Variants in MTX2 observed in about 807,000 individuals in gnomAD.
MTX2 encodes the protein metaxin 2, also known as metaxin-2.
A neutral mutation model predicts 42.3 loss-of-function variants in MTX2; 35 were observed. The ratio of observed to expected loss-of-function variants is 0.83; its 90% CI spans 0.63 to 1.10. The LOEUF is 1.10. MTX2 is among the 50% of genes least tolerant of loss of function. The pLI, the probability that MTX2 is intolerant of heterozygous loss-of-function variation, is 0.00. For synonymous variants in MTX2, 119 were observed against 100.9 expected, an observed-to-expected ratio of 1.18 and a Z score of -1.08; for missense variants, 307 against 304.1, an observed-to-expected ratio of 1.01 and a Z score of -0.07.
At chr2:176,324,820 G>A (rs1684672167) in intron 4 of MTX2, among the ~76,000 whole-genome samples, 1 of 151,674 alleles carries the variant, frequency 6.6e-6, no homozygotes, top group South Asian at 2.1e-4. Flanking sequence ...TCTCCTATAG[G>A]TAGATGAAAA....
At chr2:176,278,171 C>T (rs1026505694) in intron 1 of MTX2, among the ~76,000 whole-genome samples, 2 of 151,072 alleles carry the variant, frequency 1.3e-5, no homozygotes, top group Non-Finnish European at 2.9e-5. Context: ...CTGCCTCAGC[C>T]TCCCAAGTAG....
At chr2:176,299,588 C>T (rs963630342) in intron 3 of MTX2, among the ~76,000 whole-genome samples, 2 of 152,060 alleles carry the variant, frequency 1.3e-5, no homozygotes, top group Non-Finnish European at 1.5e-5. Context: ...ATAAATTACG[C>T]AGCATATATT....
chr2:176,328,658 C>A (rs542656940), intron 6 of MTX2, among the ~76,000 whole-genome samples: 1 of 151,264 alleles, frequency 6.6e-6, no homozygotes, highest in South Asian at 2.1e-4. Context: ...ATCTGTAAAA[C>A]ACTTTAATGG....
intron 5 of MTX2, 119 bp downstream of exon 5, chr2:176,327,020 G>A (rs1684724172): frequency 5.7e-6 from 3 of 527,818 alleles, no homozygotes; most frequent in African/African-American, 2.0e-5. Context: ...GCAAACTACT[G>A]GAAAATATTT....
chr2:176,295,811 C>A (rs1489690950), intron 1 of MTX2, among the ~76,000 whole-genome samples: 2 of 151,996 alleles, frequency 1.3e-5, no homozygotes, highest in East Asian at 1.9e-4. Context: ...GTATAAATTT[C>A]TTTTAAAAAA....
intron 3 of MTX2, among the ~76,000 whole-genome samples, chr2:176,321,744 A>C (rs1032147567): frequency 2.6e-5 from 4 of 152,106 alleles, no homozygotes; most frequent in African/African-American, 9.7e-5. Context: ...AGTTGGCCAT[A>C]CCCAGTTGTA....
At chr2:176,272,860 A>G (rs1692856142) in intron 1 of MTX2, among the ~76,000 whole-genome samples, 1 of 152,198 alleles carries the variant, frequency 6.6e-6, no homozygotes, top group Non-Finnish European at 1.5e-5. Flanking sequence ...AATTTAAATG[A>G]TTGTAATTGT....
intron 3 of MTX2, among the ~76,000 whole-genome samples, chr2:176,315,727 C>G (rs961330779): frequency 1.3e-5 from 2 of 152,176 alleles, no homozygotes; most frequent in African/African-American, 4.8e-5. Flanking sequence ...CACTTCTTTA[C>G]TCCCACATAG....
chr2:176,304,029 T>A (rs1282837728), intron 3 of MTX2, among the ~76,000 whole-genome samples: 3 of 151,974 alleles, frequency 2.0e-5, no homozygotes, highest in African/African-American at 7.2e-5. Context: ...AGCCTTTTTT[T>A]AAAACAGAAA....
At chr2:176,320,680 C>T (rs1026337702) in intron 3 of MTX2, among the ~76,000 whole-genome samples, 37 of 148,488 alleles carry the variant, frequency 2.5e-4, no homozygotes, top group African/African-American at 8.4e-4. Context: ...CTTACTTCCT[C>T]CCTTTTTACT....
Position 176,328,309 on chromosome 2 carries a change from A to G in MTX2, c.302A>G (p.Asp101Gly). The G allele has an allele frequency of 1.3e-6, 2 of 1,576,612 alleles. No homozygotes were observed. The highest frequency in any genetic ancestry group is 1.7e-6 in the Non-Finnish European group (2 of 1,163,638). Reference sequence around the variant, plus strand: ...TCCCTTTAGGGCCATTCTCTTAGTGATGGGCTGGAGGAAGTCCAAAAAGCA... The same window carrying G: ...TCCCTTTAGGGCCATTCTCTTAGTGGTGGGCTGGAGGAAGTCCAAAAAGCA... ...FVKAKGHSLS[D>G]GLEEVQKAEM... Residue 101 changes from aspartate to glycine, a missense_variant, in exon 6 of 10, where the codon GAT becomes GGT. Transcript: ENST00000249442.
intron 1 of MTX2, among the ~76,000 whole-genome samples, chr2:176,278,799 A>G (rs1440783554): frequency 6.6e-6 from 1 of 152,130 alleles, no homozygotes; most frequent in Admixed American, 6.5e-5. Flanking sequence ...TATTCAGTAA[A>G]TCCAGCTATA....
chr2:176,311,231 C>A (rs898948252), intron 3 of MTX2, among the ~76,000 whole-genome samples: 6 of 152,274 alleles, frequency 3.9e-5, no homozygotes, highest in Non-Finnish European at 5.9e-5. Flanking sequence ...CCAGTGGAGG[C>A]TGCAGAACGG....
Position 176,296,870 on chromosome 2 carries a change from T to G in MTX2, c.51T>G (p.Pro17=). ...GCCTTGTTTCCATAGCTGCAGAACCTTGGCCTGAAAATGCTACATTATATC... is the reference window on the plus strand; with the variant it reads ...GCCTTGTTTCCATAGCTGCAGAACCGTGGCCTGAAAATGCTACATTATATC... The part of the protein sequence containing the change: ...AFVSQIAAAE[P]WPENATLYQQ... Residue 17 remains proline (P), a synonymous_variant, in exon 2 of 10, where the codon CCT becomes CCG. Coordinates refer to ENST00000249442, the MANE Select transcript of MTX2 (RefSeq NM_006554.5). The G allele has an allele frequency of 1.9e-6, 3 of 1,613,598 alleles. No individual in the cohort carries two copies. The highest frequency in any genetic ancestry group is 2.5e-6 in the Non-Finnish European group (3 of 1,179,686).
intron 3 of MTX2, among the ~76,000 whole-genome samples, chr2:176,298,773 A>G (rs1387710206): frequency 1.3e-5 from 2 of 152,124 alleles, no homozygotes; most frequent in Admixed American, 6.6e-5. Flanking sequence ...TTCAATCTTT[A>G]TATCTTTGGA....
chr2:176,286,015 T>G (rs1347797986), intron 1 of MTX2, among the ~76,000 whole-genome samples: 1 of 152,224 alleles, frequency 6.6e-6, no homozygotes, highest in African/African-American at 2.4e-5. Flanking sequence ...TCTCCACATT[T>G]GCTAAACATT....
intron 9 of MTX2, 34 bp downstream of exon 9, chr2:176,330,694 T>A (rs1306947752): frequency 1.4e-6 from 2 of 1,439,542 alleles, no homozygotes; most frequent in Admixed American, 3.8e-5. Flanking sequence ...GTTAATTTTC[T>A]GTACTGTTAG....
At chr2:176,319,291 A>G (rs778894354) in intron 3 of MTX2, among the ~76,000 whole-genome samples, 34 of 152,304 alleles carry the variant, frequency 2.2e-4, no homozygotes, top group Non-Finnish European at 4.9e-4. Context: ...CTGATAAGAT[A>G]TTGAAAGTCA....
Position 176,291,043 on chromosome 2 carries a change from C to T in MTX2, c.41-5817C>T, listed in dbSNP as rs145547352. ...ATCACCATTTATGAAAATCTCATGT[C>T]CTTATCAATAAAAATTTGAGCATGC... On this transcript the variant is annotated intron_variant, in intron 1 of 9. Transcript: ENST00000249442. Among the ~76,000 whole-genome samples the T allele has an allele frequency of 2.6e-5, 4 of 152,086 alleles. No individual in the cohort carries two copies. The East Asian group carries it at 7.8e-4, about 29-fold the overall frequency.
Sources: gnomAD v4.1 joint callset for allele counts (sites outside exome capture counted in the v4.1 genomes callset) on GRCh38, gnomAD v4.1.1 for gene constraint, MANE v1.5 for transcripts, NCBI Gene and HGNC (gene_info 2026-07-23, HGNC 2026-07-21) for gene names.